Variants in MCTP2 observed in about 807,000 individuals in gnomAD.
MCTP2 encodes multiple C2 and transmembrane domain containing 2, also known as multiple C2 and transmembrane domain-containing protein 2.
A neutral mutation model predicts 111.6 loss-of-function variants in MCTP2; 132 were observed. That is an observed-to-expected ratio of 1.18 (90% CI 1.03 to 1.37). MCTP2 has a LOEUF of 1.37. Ranked by LOEUF, MCTP2 falls within the 40% of genes most tolerant of loss-of-function variation. The pLI, the probability that MCTP2 is intolerant of heterozygous loss-of-function variation, is 0.00. For synonymous variants in MCTP2, 395 were observed against 387.7 expected (o/e 1.02, Z -0.22); for missense variants, 1,183 against 1,067.9 (o/e 1.11, Z -1.50).
In MCTP2 at chr15:94,481,378, T is replaced by G. The variant is rs1321050504; in HGVS notation, c.*2344T>G. The G allele has an allele frequency of 6.6e-6, 1 of 152,384 alleles. No individual in the cohort carries two copies. The highest frequency in any genetic ancestry group is 1.5e-5 in the Non-Finnish European group (1 of 68,178). 9.4% of individuals were successfully genotyped at this position (152,384 alleles called of 1,614,324 possible). On this transcript the variant is annotated 3_prime_UTR_variant, in exon 23 of 23. Transcript: ENST00000357742. The stretch of plus-strand genomic sequence containing the variant: ...GGAATTTCTCGGTCATCCTCTTTTT[T>G]TTTGTTCCTCGTGCTGTTGTCCTCG...
At chr15:94,470,992 G>GT (rs1345410908) in intron 21 of MCTP2, among the ~76,000 whole-genome samples, 1 of 152,176 alleles carries the variant, frequency 6.6e-6, no homozygotes, top group African/African-American at 2.4e-5. Context: ...AGGGGAAATG[G>GT]TGTGCCTACA....
chr15:94,323,613 G>A (rs931871559), intron 4 of MCTP2, among the ~76,000 whole-genome samples: 2 of 152,310 alleles, frequency 1.3e-5, no homozygotes, highest in Middle Eastern at 3.4e-3. Flanking sequence ...AGTAAACTAA[G>A]CAGCCCTGTT....
At chr15:94,261,955 A>C (rs2073211138) in intron 1 of MCTP2, among the ~76,000 whole-genome samples, 1 of 152,180 alleles carries the variant, frequency 6.6e-6, no homozygotes, top group African/African-American at 2.4e-5. Context: ...AGGACTTTGA[A>C]AAACATTAAT....
At chr15:94,300,196 T>C (rs1200116190) in intron 2 of MCTP2, among the ~76,000 whole-genome samples, 2 of 152,140 alleles carry the variant, frequency 1.3e-5, no homozygotes, top group Admixed American at 1.3e-4. Flanking sequence ...AAGCGACTGC[T>C]GTTAAACCAT....
rs2074666826 is a variant in MCTP2, at chr15:94,480,357, A to G, written c.*1323A>G. On this transcript the variant is annotated 3_prime_UTR_variant, in exon 23 of 23. Transcript: ENST00000357742. ...TTTGTCTCTGGGTTGTAATTTAATA[A>G]TCTTCAAACAAAATGTTTACGAAAA... 3 of 152,012 alleles carry G rather than the reference A, an allele frequency of 2.0e-5. No homozygotes were observed. The highest frequency in any genetic ancestry group is 2.9e-5 in the Non-Finnish European group (2 of 68,010). 9.4% of individuals were successfully genotyped at this position (152,012 alleles called of 1,614,324 possible).
chr15:94,390,068 A>G (rs183797006), intron 14 of MCTP2, among the ~76,000 whole-genome samples: 3,214 of 25,794 alleles, frequency 0.12, 227 homozygotes, highest in East Asian at 0.32. Flanking sequence ...ATATATATAT[A>G]TATATATATA....
chr15:94,294,113 A>G (rs376125669), intron 1 of MCTP2, among the ~76,000 whole-genome samples: 28 of 152,342 alleles, frequency 1.8e-4, no homozygotes, highest in East Asian at 1.4e-3. Flanking sequence ...GCCTGTCTCT[A>G]AAAGTTATAT....
At position 94,362,100 on chromosome 15, in the gene MCTP2, G is replaced by A. The variant is rs192512569; in HGVS notation, c.1301+3488G>A. Reference sequence around the variant, plus strand: ...AGGTGCTTGGGTAAGATCAACCATCGCCTGAAACTGTGTTGCCTACCGACT... The same window carrying A: ...AGGTGCTTGGGTAAGATCAACCATCACCTGAAACTGTGTTGCCTACCGACT... On this transcript the variant is annotated intron_variant, in intron 10 of 22. Coordinates refer to ENST00000357742, the MANE Select transcript of MCTP2 (RefSeq NM_001385001.1). Among the ~76,000 whole-genome samples the A allele has an allele frequency of 7.2e-5, 11 of 152,224 alleles. No homozygotes were observed. The East Asian group carries it at 1.7e-3, about 24-fold the overall frequency.
intron 10 of MCTP2, among the ~76,000 whole-genome samples, chr15:94,364,438 G>C (rs894740691): frequency 2.0e-5 from 3 of 152,100 alleles, no homozygotes; most frequent in Non-Finnish European, 4.4e-5. Flanking sequence ...AGACATAAGA[G>C]CCCAACCAGA....
At chr15:94,256,060 C>T (rs1179326740) in intron 1 of MCTP2, among the ~76,000 whole-genome samples, 1 of 152,078 alleles carries the variant, frequency 6.6e-6, no homozygotes, top group African/African-American at 2.4e-5. Context: ...ATCCCAAATG[C>T]AAAAACCTGA....
At chr15:94,431,530 T>G (rs1381296100) in intron 17 of MCTP2, among the ~76,000 whole-genome samples, 2 of 152,164 alleles carry the variant, frequency 1.3e-5, no homozygotes, top group Non-Finnish European at 2.9e-5. Context: ...CTAGTGGTGT[T>G]TTGTTGTTGT....
intron 1 of MCTP2, among the ~76,000 whole-genome samples, chr15:94,267,968 C>T (rs1255784820): frequency 6.9e-6 from 1 of 144,388 alleles, no homozygotes; most frequent in Non-Finnish European, 1.5e-5. Context: ...TGGGTTCACG[C>T]CATTCTCCTG....
intron 14 of MCTP2, among the ~76,000 whole-genome samples, chr15:94,395,530 A>C (rs1376500717): frequency 6.6e-6 from 1 of 152,242 alleles, no homozygotes; most frequent in Non-Finnish European, 1.5e-5. Flanking sequence ...TTTTTTAAAA[A>C]GAGTTCAAGA....
At chr15:94,431,773 T>C (rs2083196134) in intron 17 of MCTP2, among the ~76,000 whole-genome samples, 1 of 152,210 alleles carries the variant, frequency 6.6e-6, no homozygotes, top group Non-Finnish European at 1.5e-5. Context: ...ATCATACTTA[T>C]GTGTTTTCCC....
At chr15:94,254,955 A>G (rs762961267) in intron 1 of MCTP2, among the ~76,000 whole-genome samples, 3 of 152,150 alleles carry the variant, frequency 2.0e-5, no homozygotes, top group Non-Finnish European at 4.4e-5. Flanking sequence ...TTTATCTGGC[A>G]TTTTATTAAA....
At chr15:94,470,586 T>C (rs1314637396) in intron 21 of MCTP2, 144 bp downstream of exon 21, 1 of 666,684 alleles carries the variant, frequency 1.5e-6, no homozygotes, top group East Asian at 2.7e-5. Flanking sequence ...GAACAAAAAC[T>C]TCCAGGACCT....
chr15:94,319,035 TG>T (rs199907623), intron 4 of MCTP2, among the ~76,000 whole-genome samples: 7 of 80,788 alleles, frequency 8.7e-5, no homozygotes, highest in African/African-American at 2.4e-4. Context: ...TAATTGTTCT[TG>T]GTTTTTTTTT....
chr15:94,413,206 T>C (rs1190856527), intron 17 of MCTP2, among the ~76,000 whole-genome samples: 1 of 152,190 alleles, frequency 6.6e-6, no homozygotes. Context: ...GGGCTACTTC[T>C]TGGGGATTTT....
chr15:94,293,960 C>A (rs1178914887), intron 1 of MCTP2, among the ~76,000 whole-genome samples: 1 of 152,212 alleles, frequency 6.6e-6, no homozygotes, highest in Non-Finnish European at 1.5e-5. Context: ...AAATTGGAAA[C>A]AACCCAAATG....
Sources: gnomAD v4.1 joint callset for allele counts (sites outside exome capture counted in the v4.1 genomes callset) on GRCh38, gnomAD v4.1.1 for gene constraint, MANE v1.5 for transcripts, NCBI Gene and HGNC (gene_info 2026-07-23, HGNC 2026-07-21) for gene names.